PATJ: variants seen among roughly 807,000 people sequenced by gnomAD.
The protein encoded by PATJ is inaD-like protein.
PATJ carries 190 observed loss-of-function variants against 224.9 expected under a neutral mutation model. That is an observed-to-expected ratio of 0.84 (90% CI 0.75 to 0.95). The LOEUF (loss-of-function observed/expected upper bound fraction) is 0.95, where lower values mean the gene tolerates loss of function less well. Ranked by LOEUF, PATJ falls within the 40% of genes least tolerant of loss-of-function variation. The pLI is 0.00. For missense variants in PATJ, 2,121 were observed against 2,270.3 expected, an observed-to-expected ratio of 0.93 and a Z score of 1.34; for synonymous variants, 769 against 820.3, an observed-to-expected ratio of 0.94 and a Z score of 1.07.
At chr1:61,944,846 A>G (rs1047545142) in intron 27 of PATJ, among the ~76,000 whole-genome samples, 3 of 152,346 alleles carry the variant, frequency 2.0e-5, no homozygotes, top group Non-Finnish European at 2.9e-5. Context: ...GTTACCCACA[A>G]AGGGAAGCCC....
intron 16 of PATJ, among the ~76,000 whole-genome samples, chr1:61,828,582 G>C (rs1031932897): frequency 6.6e-6 from 1 of 151,616 alleles, no homozygotes; most frequent in Non-Finnish European, 1.5e-5. Context: ...CGTACAGTCA[G>C]GGTCTTGCCG....
chr1:62,102,588 C>A (rs1662310029), intron 33 of PATJ, among the ~76,000 whole-genome samples: 1 of 151,752 alleles, frequency 6.6e-6, no homozygotes, highest in African/African-American at 2.4e-5. Context: ...GGTGGTGGCT[C>A]ACGCCTGTAA....
intron 26 of PATJ, among the ~76,000 whole-genome samples, chr1:61,921,024 A>C (rs1674249750): frequency 6.6e-6 from 1 of 152,130 alleles, no homozygotes; most frequent in Admixed American, 6.6e-5. Flanking sequence ...GGAATTCTTA[A>C]GGTGCACCTT....
chr1:62,083,791 G>A (rs1173369118), intron 32 of PATJ, among the ~76,000 whole-genome samples: 2 of 152,046 alleles, frequency 1.3e-5, no homozygotes, highest in Non-Finnish European at 2.9e-5. Context: ...TAATTCATCT[G>A]ATATGCTCTA....
Position 62,128,893 on chromosome 1 carries a change from A to T in PATJ, c.5219A>T (p.His1740Leu). 1.2e-6 allele frequency: 2 copies of T among 1,612,784 alleles called. No homozygotes were observed. The highest frequency in any genetic ancestry group is 1.7e-6 in the Non-Finnish European group (2 of 1,178,788). ...GGGCAACCTTTGGATGGGCTGTCTC[A>T]CGCGGATGTGGTTAATCTGCTGAAG... ...INGQPLDGLS[H>L]ADVVNLLKNA... The change falls in exon 41 of 44, where the codon CAC (histidine) becomes CTC (leucine). Residue 1740 changes from histidine to leucine, a missense_variant. Transcript: ENST00000642238.
chr1:61,998,084 AT>A (rs1174539909), intron 28 of PATJ, among the ~76,000 whole-genome samples: 1 of 138,010 alleles, frequency 7.2e-6, no homozygotes, highest in Non-Finnish European at 1.5e-5. Flanking sequence ...TATAATATAT[AT>A]TTTTTTCTTT....
intron 17 of PATJ, among the ~76,000 whole-genome samples, chr1:61,838,521 ATTTT>A (rs34877280): frequency 1.7e-5 from 2 of 115,570 alleles, no homozygotes; most frequent in Non-Finnish European, 3.5e-5. Context: ...CGCCTGGCTA[ATTTT>A]TTTTTTTTTT....
chr1:61,836,016 A>G (rs572489277), intron 17 of PATJ, among the ~76,000 whole-genome samples: 1 of 152,164 alleles, frequency 6.6e-6, no homozygotes, highest in Non-Finnish European at 1.5e-5. Context: ...TGTAAGTTTT[A>G]TATTTTGAAT....
intron 31 of PATJ, among the ~76,000 whole-genome samples, chr1:62,057,666 G>A (rs1654777697): frequency 6.6e-6 from 1 of 152,234 alleles, no homozygotes; most frequent in Non-Finnish European, 1.5e-5. Flanking sequence ...TACTAGGTAA[G>A]TTTCACAGAG....
At chr1:61,843,704 A>G (rs992951845) in intron 17 of PATJ, among the ~76,000 whole-genome samples, 1 of 148,080 alleles carries the variant, frequency 6.8e-6, no homozygotes, top group Non-Finnish European at 1.5e-5. Flanking sequence ...TGGGTGACAG[A>G]GTGAGATCAG....
At chr1:61,910,466 C>T (rs1174353030) in intron 25 of PATJ, among the ~76,000 whole-genome samples, 5 of 148,630 alleles carry the variant, frequency 3.4e-5, no homozygotes, top group African/African-American at 1.2e-4. Context: ...GAGCATATCC[C>T]ATTGATGATG....
intron 22 of PATJ, among the ~76,000 whole-genome samples, chr1:61,885,553 A>C (rs1352630860): frequency 1.3e-5 from 2 of 152,146 alleles, no homozygotes; most frequent in Non-Finnish European, 2.9e-5. Context: ...ATGTGGAGAA[A>C]TAGGAACACT....
chr1:62,028,985 A>ATACATACATACATACC (rs1368835869), intron 29 of PATJ, among the ~76,000 whole-genome samples: 3 of 151,660 alleles, frequency 2.0e-5, no homozygotes, highest in Admixed American at 6.6e-5. Context: ...ACATACATAC[A>ATACATACATACATACC]TACATACATA....
intron 27 of PATJ, among the ~76,000 whole-genome samples, chr1:61,978,694 C>T (rs78231888): frequency 0.055 from 8,424 of 151,956 alleles, 891 homozygotes; most frequent in African/African-American, 0.19. Flanking sequence ...TTTATTATAC[C>T]TGATTTTTTT....
chr1:61,792,624 A>G (rs529810687), intron 9 of PATJ, among the ~76,000 whole-genome samples: 5 of 151,388 alleles, frequency 3.3e-5, no homozygotes, highest in African/African-American at 9.7e-5. Context: ...TCCGCCTCCC[A>G]GGTTCAAGAG....
chr1:61,828,717 C>T (rs907087779), intron 16 of PATJ, among the ~76,000 whole-genome samples: 4 of 152,120 alleles, frequency 2.6e-5, no homozygotes, highest in Non-Finnish European at 4.4e-5. Flanking sequence ...ACATACTTTG[C>T]CATCTTATGC....
chr1:61,972,619 ACTCT>A (rs768354859), intron 27 of PATJ, among the ~76,000 whole-genome samples: 7 of 152,146 alleles, frequency 4.6e-5, no homozygotes, highest in Middle Eastern at 3.4e-3. Context: ...ACTTTAAGAC[ACTCT>A]CTATAAGAAA....
chr1:62,071,216 C>T (rs999762336), intron 31 of PATJ, among the ~76,000 whole-genome samples: 8 of 152,144 alleles, frequency 5.3e-5, no homozygotes, highest in African/African-American at 1.4e-4. Flanking sequence ...CTCTTAGCAC[C>T]GTGGTTATGG....
At chr1:61,865,732 G>C (rs900579378) in intron 20 of PATJ, 13 of 152,000 alleles carry the variant, frequency 8.6e-5, no homozygotes, top group African/African-American at 3.1e-4. Context: ...TACTGTATGG[G>C]GACATTTTTA....
Sources: allele counts gnomAD v4.1 joint callset (sites outside exome capture counted in the v4.1 genomes callset), GRCh38; gene constraint gnomAD v4.1.1; transcripts MANE v1.5; gene names NCBI Gene and HGNC (gene_info 2026-07-23, HGNC 2026-07-21).